SF3A1: variants seen among roughly 807,000 people sequenced by gnomAD.
SF3A1 encodes the protein SAP 114.
Under a neutral mutation model 89.9 loss-of-function variants are expected in SF3A1, and 13 were observed. That is an observed-to-expected ratio of 0.14 (90% CI 0.09 to 0.23). The LOEUF is 0.23. Among genes scored for constraint, SF3A1 ranks in the 10% least tolerant of loss-of-function variants. The pLI is 1.00. For synonymous variants in SF3A1, 405 were observed against 374.4 expected (o/e 1.08, Z -0.94); for missense variants, 604 against 1,022.1 (o/e 0.59, Z 5.58).
chr22:30,345,963 G>A (rs1383179924), intron 3 of SF3A1, among the ~76,000 whole-genome samples: 2 of 152,132 alleles, frequency 1.3e-5, no homozygotes, highest in African/African-American at 4.8e-5. Flanking sequence ...GCACAGCCAA[G>A]TAGGAAGTGC....
At chr22:30,337,665 G>T in intron 12 of SF3A1, 25 bp downstream of exon 12, 1 of 1,051,450 alleles carries the variant, frequency 9.5e-7, no homozygotes, top group Non-Finnish European at 1.4e-6. Flanking sequence ...CTAATGGCCT[G>T]GAAAATGATG....
chr22:30,340,801 A>T lies in SF3A1; in HGVS notation c.1083T>A (p.Asp361Glu), dbSNP rs1931227661. The change falls in exon 8 of 16, where the codon GAT becomes GAA. Residue 361 changes from aspartate to glutamate, a missense_variant. Coordinates refer to ENST00000215793, the MANE Select transcript of SF3A1 (RefSeq NM_005877.6). ...GGGGCACTTTCTGCCCTTCTTCTTC[A>T]TCATCTGAACCCTGAAAAGCAAAGC... is the stretch of plus-strand genomic sequence containing the variant. ...QVQDMDEGSD[D>E]EEEGQKVPPP... 4 of 1,587,070 alleles carry T rather than the reference A, an allele frequency of 2.5e-6. No individual in the cohort carries two copies. The highest frequency in any genetic ancestry group is 3.4e-6 in the Non-Finnish European group (4 of 1,163,214).
At position 30,337,116 on chromosome 22, in the gene SF3A1, G is replaced by C. The variant is rs375013717; in HGVS notation, c.2016C>G (p.Pro672=). The change falls in exon 13 of 16, where the codon CCC becomes CCG. Residue 672 remains proline (P), a synonymous_variant. Transcript: ENST00000215793. The stretch of plus-strand genomic sequence containing the variant: ...TGGGCTCATCTTCCATGGGAGGTGG[G>C]GGATGCACAGGGGGCATTGGGGCTG... The part of the protein sequence containing the change: ...PAPAPMPPVH[P]PPPMEDEPTS... 6.2e-7 allele frequency: 1 copy of C among 1,613,972 alleles called. No individual in the cohort carries two copies. The highest frequency in any genetic ancestry group is 1.3e-5 in the African/African-American group (1 of 74,918).
chr22:30,338,927 C>T lies in SF3A1; in HGVS notation c.1605G>A (p.Leu535=), dbSNP rs1931163788. The change falls in exon 11 of 16, where the codon CTG becomes CTA. Residue 535 remains leucine (L), a synonymous_variant. Transcript: ENST00000215793. ...TCTCTTTAGTGTCATCCTCTGGCAC[C>T]AGGCCTTTGGCCTTGTGAATGGCCT... The part of the protein sequence containing the change: ...QIEAIHKAKG[L]VPEDDTKEKI... 1 of 1,614,180 alleles carries T rather than the reference C, an allele frequency of 6.2e-7. No individual in the cohort carries two copies. Among genetic ancestry groups the T allele is most frequent in the Non-Finnish European group, 8.5e-7 (1 of 1,180,042 alleles).
At chr22:30,353,177 C>T in intron 1 of SF3A1, 105 bp from the exon 2 acceptor site, 1 of 1,406,866 alleles carries the variant, frequency 7.1e-7, no homozygotes, top group Non-Finnish European at 9.6e-7. Flanking sequence ...CTTTCATTCA[C>T]AGACTTCCCT....
chr22:30,356,866 C>T lies in SF3A1; in HGVS notation c.-74G>A, dbSNP rs2145834080. 8.2e-7 allele frequency: 1 copy of T among 1,213,816 alleles called. No homozygotes were observed. The highest frequency in any genetic ancestry group is 3.2e-5 in the East Asian group (1 of 31,572). 75.2% of individuals were successfully genotyped at this position (1,213,816 alleles called of 1,614,324 possible). On this transcript the variant is annotated 5_prime_UTR_variant, in exon 1 of 16. Coordinates refer to ENST00000215793, the MANE Select transcript of SF3A1 (RefSeq NM_005877.6). ...GCCGCCTCAAGACAGCCTCCCCGCTCGGTCAGTACGACGAGCTCGCAAGAT... is the reference window on the plus strand; with the variant it reads ...GCCGCCTCAAGACAGCCTCCCCGCTTGGTCAGTACGACGAGCTCGCAAGAT...
intron 2 of SF3A1, among the ~76,000 whole-genome samples, chr22:30,350,818 G>A (rs1396350015): frequency 6.6e-6 from 1 of 152,200 alleles, no homozygotes; most frequent in Non-Finnish European, 1.5e-5. Context: ...GGGAAAAGGG[G>A]AGGCATGAAC....
intron 12 of SF3A1, 41 bp from the exon 13 acceptor site, chr22:30,337,221 G>A (rs765751217): frequency 9.6e-6 from 15 of 1,564,864 alleles, no homozygotes; most frequent in Non-Finnish European, 1.3e-5. Context: ...GAGGGCAGAA[G>A]GGGCCCAGGA....
At chr22:30,335,173 C>T (rs1042525765) in intron 15 of SF3A1, among the ~76,000 whole-genome samples, 9 of 152,198 alleles carry the variant, frequency 5.9e-5, no homozygotes, top group Admixed American at 2.6e-4. Flanking sequence ...ACCACTGGAT[C>T]AGGAACCCAC....
At chr22:30,354,638 C>T (rs1931702452) in intron 1 of SF3A1, among the ~76,000 whole-genome samples, 1 of 152,214 alleles carries the variant, frequency 6.6e-6, no homozygotes, top group Admixed American at 6.5e-5. Context: ...TACTAAACAG[C>T]TTCAGGTGCA....
At chr22:30,341,111 G>C in intron 7 of SF3A1, among the ~76,000 whole-genome samples, 1 of 151,682 alleles carries the variant, frequency 6.6e-6, no homozygotes, top group African/African-American at 2.4e-5. Context: ...GTGCCAAGGG[G>C]GCGAGGGGTG....
intron 2 of SF3A1, 53 bp downstream of exon 2, chr22:30,352,898 G>T (rs957596236): frequency 6.2e-7 from 1 of 1,605,136 alleles, no homozygotes; most frequent in Non-Finnish European, 8.5e-7. Context: ...ATTCAGTGCT[G>T]AAGTCTCTTC....
chr22:30,335,447 C>T lies in SF3A1; in HGVS notation c.2280+20G>A. ...AGGTGTCAGGACCCAAGGGACAGGT[C>T]TGTGGACAAACTGACTCACCTCATA... is the stretch of plus-strand genomic sequence containing the variant. On this transcript the variant is annotated intron_variant, in intron 15 of 15. Coordinates refer to ENST00000215793, the MANE Select transcript of SF3A1 (RefSeq NM_005877.6). 1 of 1,609,572 alleles carries T rather than the reference C, an allele frequency of 6.2e-7. No individual in the cohort carries two copies. The highest frequency in any genetic ancestry group is 8.5e-7 in the Non-Finnish European group (1 of 1,176,054).
rs1192345411 is a variant in SF3A1, at chr22:30,334,145, C to T, written c.*449G>A. On this transcript the variant is annotated 3_prime_UTR_variant, in exon 16 of 16. Coordinates refer to ENST00000215793, the MANE Select transcript of SF3A1 (RefSeq NM_005877.6). ...ACCACTGCCTCGAGTCTGGACAGGG[C>T]ACAGGTGACCGAGACAAGTCTTATT... The T allele has an allele frequency of 6.2e-6, 1 of 161,402 alleles. No individual in the cohort carries two copies. Among genetic ancestry groups the T allele is most frequent in the Admixed American group, 6.5e-5 (1 of 15,356 alleles). The allele number at this position is 161,402 out of a possible 1,614,324, so 10.0% of individuals were successfully genotyped here. A position where few individuals can be genotyped will look rare whatever the true frequency, so the allele number is the denominator to read the frequency against.
intron 11 of SF3A1, 149 bp from the exon 12 acceptor site, chr22:30,338,046 C>T: frequency 1.4e-6 from 1 of 700,220 alleles, no homozygotes; most frequent in Non-Finnish European, 2.6e-6. Flanking sequence ...GTGGCCTACA[C>T]TGGGCGTCCA....
chr22:30,334,823 AG>A (rs1931018491), intron 15 of SF3A1, 128 bp from the exon 16 acceptor site: 2 of 636,040 alleles, frequency 3.1e-6, no homozygotes, highest in Non-Finnish European at 5.4e-6. Flanking sequence ...GTGAGAAGGT[AG>A]GGTGTTGGGG....
At chr22:30,335,829 C>T in intron 13 of SF3A1, 76 bp from the exon 14 acceptor site, 1 of 1,214,720 alleles carries the variant, frequency 8.2e-7, no homozygotes, top group Non-Finnish European at 1.2e-6. Flanking sequence ...ATCCCTAGGC[C>T]TGTCCAGACA....
chr22:30,343,716 G>A (rs1931334980), intron 4 of SF3A1, among the ~76,000 whole-genome samples: 1 of 152,204 alleles, frequency 6.6e-6, no homozygotes, highest in Non-Finnish European at 1.5e-5. Context: ...GCAGTCCACT[G>A]GGAGAAATTA....
chr22:30,349,034 C>G (rs1257397659), intron 2 of SF3A1, among the ~76,000 whole-genome samples: 1 of 152,248 alleles, frequency 6.6e-6, no homozygotes, highest in East Asian at 1.9e-4. Context: ...ATGATTCTGA[C>G]TCAACCCAGC....
Sources: allele counts gnomAD v4.1 joint callset (sites outside exome capture counted in the v4.1 genomes callset), GRCh38; gene constraint gnomAD v4.1.1; transcripts MANE v1.5; gene names NCBI Gene and HGNC (gene_info 2026-07-23, HGNC 2026-07-21).